ANGPTL1: variants seen among roughly 807,000 people sequenced by gnomAD.
ANGPTL1 encodes the protein angiopoietin-related protein 1.
A neutral mutation model predicts 46.7 loss-of-function variants in ANGPTL1; 36 were observed. The observed-to-expected ratio is 0.77, with a 90% CI of 0.59 to 1.02. The LOEUF (loss-of-function observed/expected upper bound fraction) is 1.02. Among genes scored for constraint, ANGPTL1 ranks in the 50% least tolerant of loss-of-function variants. The pLI, the probability that ANGPTL1 is intolerant of heterozygous loss-of-function variation, is 0.00. For synonymous variants in ANGPTL1, 221 were observed against 204.3 expected (o/e 1.08, Z -0.69); for missense variants, 571 against 594.7 (o/e 0.96, Z 0.41).
chr1:178,860,667 C>A (rs1353919665), intron 3 of ANGPTL1, among the ~76,000 whole-genome samples: 1 of 152,186 alleles, frequency 6.6e-6, no homozygotes, highest in Non-Finnish European at 1.5e-5. Context: ...ACTCTAAATA[C>A]TTCATATAAG....
At chr1:178,858,968 A>G (rs1199022993) in intron 3 of ANGPTL1, among the ~76,000 whole-genome samples, 1 of 152,214 alleles carries the variant, frequency 6.6e-6, no homozygotes, top group Non-Finnish European at 1.5e-5. Flanking sequence ...ATCTTTTGAG[A>G]GGTAAACTTT....
At chr1:178,852,280 A>G (rs1657222473) in intron 5 of ANGPTL1, among the ~76,000 whole-genome samples, 1 of 152,108 alleles carries the variant, frequency 6.6e-6, no homozygotes, top group South Asian at 2.1e-4. Flanking sequence ...ATTCCCACCT[A>G]ACAAATTGTT....
chr1:178,858,152 T>C (rs920744642), intron 3 of ANGPTL1, among the ~76,000 whole-genome samples: 10 of 152,140 alleles, frequency 6.6e-5, no homozygotes, highest in Non-Finnish European at 1.0e-4. Context: ...AGTAAAGATA[T>C]TAGATATCAG....
chr1:178,855,296 C>CT lies in ANGPTL1; in HGVS notation c.824-1510dup, dbSNP rs71677302. On this transcript the variant is annotated intron_variant, in intron 3 of 5. Transcript: ENST00000234816. ...GTAGATTGTTCCGTGAGGACAGAGACTTTTTTTTTTTTTTTTTACTTCATA... is the reference window on the plus strand; with the variant it reads ...GTAGATTGTTCCGTGAGGACAGAGACTTTTTTTTTTTTTTTTTTACTTCATA... 2.7e-3 allele frequency among the ~76,000 whole-genome samples: 363 copies of CT among 135,916 alleles called. 2 individuals carry two copies. Among genetic ancestry groups the CT allele is most frequent in the East Asian group, 0.017 (81 of 4,742 alleles). The allele number at this position is 135,916 out of a possible 152,430, so 89.2% of individuals were successfully genotyped here.
intron 1 of ANGPTL1, 158 bp from the exon 2 acceptor site, chr1:178,869,381 T>G (rs1478387526): frequency 6.6e-6 from 1 of 152,110 alleles, no homozygotes; most frequent in Non-Finnish European, 1.5e-5. Context: ...AATTTCTAGA[T>G]TGTGAAATAT....
intron 3 of ANGPTL1, among the ~76,000 whole-genome samples, chr1:178,855,636 TTTTA>T (rs1231405692): frequency 4.0e-5 from 6 of 151,856 alleles, no homozygotes; most frequent in African/African-American, 1.2e-4. Context: ...TTTTTATAGT[TTTTA>T]TTTCTCTTTT....
At position 178,851,258 on chromosome 1, in the gene ANGPTL1, G is replaced by A; in HGVS notation, c.1347C>T (p.Asn449=). 1 of 1,613,822 alleles carries A rather than the reference G, an allele frequency of 6.2e-7. No homozygotes were observed. The highest frequency in any genetic ancestry group is 8.5e-7 in the Non-Finnish European group (1 of 1,179,848). The stretch of plus-strand genomic sequence containing the variant: ...CTCCTCTGTACCATACTCCATTTAG[G>A]TTAGAATGTGCACAGGCATTGTACC... ...GWWYNACAHS[N]LNGVWYRGGH... Residue 449 remains asparagine, a synonymous_variant, in exon 6 of 6, where the codon AAC becomes AAT. Coordinates refer to ENST00000234816, the MANE Select transcript of ANGPTL1 (RefSeq NM_004673.4).
chr1:178,852,545 G>A (rs1477996437), intron 5 of ANGPTL1, 138 bp downstream of exon 5: 1 of 771,876 alleles, frequency 1.3e-6, no homozygotes. Flanking sequence ...ATTTCTTTCA[G>A]TAGGTTGGTT....
intron 3 of ANGPTL1, among the ~76,000 whole-genome samples, chr1:178,858,830 CAT>C (rs1168831434): frequency 1.3e-5 from 2 of 152,156 alleles, no homozygotes; most frequent in African/African-American, 4.8e-5. Flanking sequence ...CCATCTGTAA[CAT>C]ATGTGTTCTT....
chr1:178,867,612 C>T (rs555966632), intron 2 of ANGPTL1, among the ~76,000 whole-genome samples: 12 of 152,072 alleles, frequency 7.9e-5, no homozygotes, highest in Admixed American at 4.6e-4. Flanking sequence ...TCTTGTTTTT[C>T]GCTGCCTTTT....
intron 3 of ANGPTL1, among the ~76,000 whole-genome samples, chr1:178,858,221 G>A (rs1008992259): frequency 5.3e-5 from 8 of 152,064 alleles, no homozygotes; most frequent in African/African-American, 1.9e-4. Flanking sequence ...TCTTAGTCCA[G>A]TGTATATTGT....
intron 3 of ANGPTL1, among the ~76,000 whole-genome samples, chr1:178,862,625 A>C (rs886225459): frequency 6.7e-6 from 1 of 148,166 alleles, no homozygotes; most frequent in Non-Finnish European, 1.5e-5. Flanking sequence ...TTATTTATTT[A>C]TTTATTTGGT....
chr1:178,862,630 T>TTTGG (rs138980609), intron 3 of ANGPTL1, among the ~76,000 whole-genome samples: 12 of 145,582 alleles, frequency 8.2e-5, no homozygotes, highest in South Asian at 4.3e-4. Context: ...TATTTATTTA[T>TTTGG]TTGGTTGGTT....
intron 3 of ANGPTL1, among the ~76,000 whole-genome samples, chr1:178,854,885 G>A (rs1657425509): frequency 6.6e-6 from 1 of 152,114 alleles, no homozygotes; most frequent in Non-Finnish European, 1.5e-5. Context: ...TCTTGAACTT[G>A]AGATTTCCAC....
At chr1:178,851,512 T>G (rs1476448436) in intron 5 of ANGPTL1, among the ~76,000 whole-genome samples, 196 bp from the exon 6 acceptor site, 1 of 152,092 alleles carries the variant, frequency 6.6e-6, no homozygotes, top group African/African-American at 2.4e-5. Flanking sequence ...TGAATTGCCT[T>G]TTTTTAACTC....
At chr1:178,852,419 T>TG (rs1657234628) in intron 5 of ANGPTL1, among the ~76,000 whole-genome samples, 1 of 152,206 alleles carries the variant, frequency 6.6e-6, no homozygotes, top group Admixed American at 6.5e-5. Flanking sequence ...TGTAGGCACT[T>TG]GCATTTTATT....
intron 3 of ANGPTL1, among the ~76,000 whole-genome samples, chr1:178,863,630 G>A (rs146765198): frequency 1.3e-5 from 2 of 152,198 alleles, no homozygotes; most frequent in South Asian, 4.1e-4. Flanking sequence ...CAAACGTCTA[G>A]CTTTGGTTAA....
Position 178,859,695 on chromosome 1 carries a change from CT to C in ANGPTL1, c.823+5258del, listed in dbSNP as rs1190050936. Among the ~76,000 whole-genome samples, 447 of 108,274 alleles carry C rather than the reference CT, an allele frequency of 4.1e-3. 1 individual carries two copies. Among genetic ancestry groups the C allele is most frequent in the Non-Finnish European group, 4.9e-3 (261 of 53,742 alleles). 71.0% of individuals were successfully genotyped at this position (108,274 alleles called of 152,430 possible). ...ACCATGCCACATCATACACGAAGCACTTTTTTTTTTTTTTTTTTTTTGAGAC... is the reference window on the plus strand; with the variant it reads ...ACCATGCCACATCATACACGAAGCACTTTTTTTTTTTTTTTTTTTTGAGAC... On this transcript the variant is annotated intron_variant, in intron 3 of 5. Coordinates refer to ENST00000234816, the MANE Select transcript of ANGPTL1 (RefSeq NM_004673.4).
chr1:178,870,264 T>C (rs1158919475), intron 1 of ANGPTL1, among the ~76,000 whole-genome samples: 2 of 152,174 alleles, frequency 1.3e-5, no homozygotes, highest in Non-Finnish European at 2.9e-5. Flanking sequence ...TATTTTTGTA[T>C]CTTAGCTTTG....
Sources: allele counts gnomAD v4.1 joint callset (sites outside exome capture counted in the v4.1 genomes callset), GRCh38; gene constraint gnomAD v4.1.1; transcripts MANE v1.5; gene names NCBI Gene and HGNC (gene_info 2026-07-23, HGNC 2026-07-21).